The following NHSL1 variants were observed in gnomAD, a reference collection of about 807,000 sequenced individuals.
The protein encoded by NHSL1 is NHS-like protein 1.
A neutral mutation model predicts 95.0 loss-of-function variants in NHSL1; 48 were observed. The observed-to-expected ratio is 0.51, with a 90% CI of 0.40 to 0.64. NHSL1 has a LOEUF of 0.64. Among genes scored for constraint, NHSL1 ranks in the 30% least tolerant of loss-of-function variants. The pLI, the probability that NHSL1 is intolerant of heterozygous loss-of-function variation, is 0.00. For synonymous variants in NHSL1, 783 were observed against 833.9 expected, an observed-to-expected ratio of 0.94 and a Z score of 1.05; for missense variants, 1,971 against 2,077.7, an observed-to-expected ratio of 0.95 and a Z score of 1.00.
intron 1 of NHSL1, among the ~76,000 whole-genome samples, chr6:138,681,004 A>C (rs1354997181): frequency 6.6e-6 from 1 of 152,256 alleles, no homozygotes; most frequent in Non-Finnish European, 1.5e-5. Flanking sequence ...TAAAAAAATT[A>C]AGAGTTAACA....
chr6:138,446,904 A>C, intron 4 of NHSL1, 97 bp downstream of exon 4: 1 of 1,093,556 alleles, frequency 9.1e-7, no homozygotes, highest in South Asian at 1.4e-5. Flanking sequence ...ACAGCTATTC[A>C]CCTTTGATGT....
chr6:138,673,364 T>C (rs868406549), intron 1 of NHSL1, among the ~76,000 whole-genome samples: 1 of 151,120 alleles, frequency 6.6e-6, no homozygotes, highest in Non-Finnish European at 1.5e-5. Context: ...CCCATTAATA[T>C]AAACACACAT....
At chr6:138,486,855 T>C (rs1779760298) in intron 2 of NHSL1, among the ~76,000 whole-genome samples, 1 of 152,146 alleles carries the variant, frequency 6.6e-6, no homozygotes, top group Non-Finnish European at 1.5e-5. Flanking sequence ...ATATAGTGTA[T>C]CATAAGCAGC....
chr6:138,632,064 A>G (rs1373009916), intron 1 of NHSL1, among the ~76,000 whole-genome samples: 1 of 152,208 alleles, frequency 6.6e-6, no homozygotes, highest in East Asian at 1.9e-4. Context: ...CCTTAAGAGA[A>G]CATTGGCAGT....
At chr6:138,492,867 A>C (rs1780155574) in intron 2 of NHSL1, among the ~76,000 whole-genome samples, 2 of 152,224 alleles carry the variant, frequency 1.3e-5, no homozygotes, top group Non-Finnish European at 2.9e-5. Context: ...AAACAAAATG[A>C]TTACTCACTG....
At chr6:138,571,637 G>C (rs1485547276) in intron 1 of NHSL1, 89 of 1,374,826 alleles carry the variant, frequency 6.5e-5, no homozygotes, top group Admixed American at 8.7e-5. Flanking sequence ...ATCATGAAGG[G>C]GGAGTGATAG....
At chr6:138,473,191 A>C in intron 3 of NHSL1, 115 bp downstream of exon 3, 7 of 924,814 alleles carry the variant, frequency 7.6e-6, no homozygotes, top group Non-Finnish European at 1.0e-5. Context: ...TTCACTTGAG[A>C]CAATACTATT....
intron 2 of NHSL1, among the ~76,000 whole-genome samples, chr6:138,489,996 G>A (rs1035608360): frequency 1.3e-5 from 2 of 148,848 alleles, no homozygotes; most frequent in Non-Finnish European, 3.0e-5. Context: ...GAGAGAGAGA[G>A]AGAGAGAGAC....
At chr6:138,635,048 A>G (rs968972406) in intron 1 of NHSL1, among the ~76,000 whole-genome samples, 26 of 151,934 alleles carry the variant, frequency 1.7e-4, no homozygotes, top group African/African-American at 5.8e-4. Flanking sequence ...TGCTAAGAGG[A>G]AAGTTTATAG....
intron 1 of NHSL1, among the ~76,000 whole-genome samples, chr6:138,564,662 A>AAT (rs1384181780): frequency 3.9e-5 from 6 of 152,158 alleles, no homozygotes; most frequent in African/African-American, 1.4e-4. Context: ...AAAAAAAAAA[A>AAT]AAATAAGATT....
chr6:138,621,604 C>G (rs760267377), intron 1 of NHSL1, among the ~76,000 whole-genome samples: 1 of 152,068 alleles, frequency 6.6e-6, no homozygotes, highest in Non-Finnish European at 1.5e-5. Context: ...TCCTGAATAG[C>G]TGGGAATACA....
In NHSL1 at chr6:138,558,421, C is replaced by CT. The variant is rs78914887; in HGVS notation, c.202+13288dup. Among the ~76,000 whole-genome samples the CT allele has an allele frequency of 8.5e-3, 1,032 of 121,934 alleles. 20 individuals carry two copies. The highest frequency in any genetic ancestry group is 0.025 in the African/African-American group (809 of 32,706). The allele number at this position is 121,934 out of a possible 152,430, so 80.0% of individuals were successfully genotyped here. A position where few individuals can be genotyped will look rare whatever the true frequency, so the allele number is the denominator to read the frequency against. On this transcript the variant is annotated intron_variant, in intron 1 of 6. Coordinates refer to the NHSL1 transcript ENST00000427025. ...ACAGGGGTAAGCCACTGTGCCCACC[C>CT]TTTTTTTTTTTTTTTTCCCTGAGAC...
At chr6:138,645,510 CTT>C (rs746425752) in intron 1 of NHSL1, among the ~76,000 whole-genome samples, 24 of 137,868 alleles carry the variant, frequency 1.7e-4, no homozygotes, top group Non-Finnish European at 2.2e-4. Context: ...TTTCTTTTTT[CTT>C]TTTTTTTTTT....
At chr6:138,582,440 C>T (rs1784074832) in intron 1 of NHSL1, among the ~76,000 whole-genome samples, 2 of 152,074 alleles carry the variant, frequency 1.3e-5, no homozygotes, top group African/African-American at 4.8e-5. Context: ...ATTTTGAAAC[C>T]AGTAAGCAAA....
At chr6:138,609,101 A>T (rs1344200105) in intron 1 of NHSL1, among the ~76,000 whole-genome samples, 1 of 152,218 alleles carries the variant, frequency 6.6e-6, no homozygotes, top group Admixed American at 6.5e-5. Flanking sequence ...AGAAATGCTG[A>T]TACAGACAAT....
In NHSL1 at chr6:138,662,135, C is replaced by CT. The variant is rs547305453; in HGVS notation, c.96+30340dup. On this transcript the variant is annotated intron_variant, in intron 1 of 3. Transcript: ENST00000491526. Reference sequence around the variant, plus strand: ...GAAACAGATTTAATTCTAGAGTAAGCTTTTTTTCAGAAAAAAAAAAAAATC... The same window carrying CT: ...GAAACAGATTTAATTCTAGAGTAAGCTTTTTTTTCAGAAAAAAAAAAAAATC... Among the ~76,000 whole-genome samples the CT allele has an allele frequency of 2.2e-5, 3 of 138,446 alleles. No homozygotes were observed. In the Admixed American group the frequency reaches 2.3e-4, roughly 11 times the overall value. 90.8% of individuals were successfully genotyped at this position (138,446 alleles called of 152,430 possible). A position where few individuals can be genotyped will look rare whatever the true frequency, so the allele number is the denominator to read the frequency against.
At chr6:138,579,155 G>A (rs1389681314) in intron 1 of NHSL1, among the ~76,000 whole-genome samples, 1 of 152,332 alleles carries the variant, frequency 6.6e-6, no homozygotes, top group East Asian at 1.9e-4. Flanking sequence ...AGGCAGCAAT[G>A]CTCGCTTGCC....
intron 2 of NHSL1, among the ~76,000 whole-genome samples, chr6:138,494,592 G>T (rs1027163819): frequency 6.6e-6 from 1 of 152,076 alleles, no homozygotes; most frequent in Non-Finnish European, 1.5e-5. Context: ...ATTAAAGAAT[G>T]AATCACTTCA....
chr6:138,541,339 C>T (rs1257416189), intron 1 of NHSL1, among the ~76,000 whole-genome samples: 10 of 152,098 alleles, frequency 6.6e-5, no homozygotes, highest in Admixed American at 4.6e-4. Flanking sequence ...TGCACTCCAG[C>T]CTGGGCAACA....
Sources: allele counts gnomAD v4.1 joint callset (sites outside exome capture counted in the v4.1 genomes callset), GRCh38; gene constraint gnomAD v4.1.1; transcripts MANE v1.5; gene names NCBI Gene and HGNC (gene_info 2026-07-23, HGNC 2026-07-21).